KDM1A: variants seen among roughly 807,000 people sequenced by gnomAD.
KDM1A encodes the protein lysine demethylase 1A, also known as lysine-specific histone demethylase 1A.
In KDM1A, 49 loss-of-function variants were observed where a neutral mutation model predicts 109.4. The observed-to-expected ratio is 0.45, with a 90% confidence interval of 0.36 to 0.57. The LOEUF (loss-of-function observed/expected upper bound fraction) is 0.57. Among genes scored for constraint, KDM1A ranks in the 20% least tolerant of loss-of-function variants. KDM1A has a pLI of 0.00. For synonymous variants in KDM1A, 380 were observed against 415.4 expected (o/e 0.91, Z 1.04); for missense variants, 668 against 1,116.6 (o/e 0.60, Z 5.73).
chr1:23,061,976 A>G (rs1643014307), intron 9 of KDM1A, among the ~76,000 whole-genome samples: 1 of 152,158 alleles, frequency 6.6e-6, no homozygotes, highest in South Asian at 2.1e-4. Context: ...GCTTTTGAAC[A>G]AGCTTAAAGG....
rs1484283627 is a variant in KDM1A at position 23,044,542 on chromosome 1, T to C, written c.577+56T>C. 52 of 1,467,320 alleles carry C rather than the reference T, an allele frequency of 3.5e-5. 1 individual carries two copies. In the Admixed American group the frequency reaches 5.8e-4, roughly 16 times the overall value. 90.9% of individuals were successfully genotyped at this position (1,467,320 alleles called of 1,614,324 possible). On this transcript the variant is annotated intron_variant, in intron 3 of 20. Transcript: ENST00000400181. The stretch of plus-strand genomic sequence containing the variant: ...GTAGCAAGAGCCGCCAAGTAGGAAT[T>C]GATGCTTGCAAGTGTTTTTGGCTGT...
intron 10 of KDM1A, among the ~76,000 whole-genome samples, chr1:23,067,071 G>A (rs1426755136): frequency 6.6e-6 from 1 of 152,132 alleles, no homozygotes; most frequent in Admixed American, 6.5e-5. Context: ...CCAGTCTTAG[G>A]TACCTTCCTG....
chr1:23,069,139 A>T lies in KDM1A; in HGVS notation c.1401A>T (p.Glu467Asp), dbSNP rs370506423. ...TGAAAACTCAGGAAGAATTGAAAGAACTTCTTAATAAGGTGAAATTCTGTA... is the reference window on the plus strand; with the variant it reads ...TGAAAACTCAGGAAGAATTGAAAGATCTTCTTAATAAGGTGAAATTCTGTA... ...KIVKTQEELK[E>D]LLNKMVNLKE... The change falls in exon 12 of 21, where the codon GAA becomes GAT. Residue 467 changes from glutamate (E) to aspartate (D), a missense_variant. This residue lies in a region of KDM1A where 62 missense variants were observed against 82.8 expected (regional missense o/e 0.75). Transcript: ENST00000400181. 1.5e-5 allele frequency: 24 copies of T among 1,592,108 alleles called. No homozygotes were observed. Among genetic ancestry groups the T allele is most frequent in the Admixed American group, 6.7e-5 (4 of 59,264 alleles).
chr1:23,041,783 C>T (rs1013941741), intron 2 of KDM1A, among the ~76,000 whole-genome samples: 19 of 148,022 alleles, frequency 1.3e-4, no homozygotes, highest in African/African-American at 4.1e-4. Flanking sequence ...TTATGGGATC[C>T]CTTTTAAAAA....
chr1:23,035,242 G>C (rs1642108156), intron 2 of KDM1A, among the ~76,000 whole-genome samples: 1 of 152,106 alleles, frequency 6.6e-6, no homozygotes, highest in African/African-American at 2.4e-5. Context: ...TGCTCTTGGT[G>C]CCTAGTCTGG....
intron 13 of KDM1A, 44 bp downstream of exon 13, chr1:23,071,403 A>G: frequency 6.4e-7 from 1 of 1,553,842 alleles, no homozygotes; most frequent in Non-Finnish European, 8.7e-7. Context: ...TTGGAATCCT[A>G]AGAAATAGCA....
Position 23,083,647 on chromosome 1 carries a change from G to GT in KDM1A, c.*293dup, listed in dbSNP as rs1178609386. On this transcript the variant is annotated 3_prime_UTR_variant, in exon 21 of 21. Transcript: ENST00000400181. ...TAGTCCCTTGGTGTGTGGGGTTTTT[G>GT]TTTTTTTTTTATATTTTGAGAATAA... is the stretch of plus-strand genomic sequence containing the variant. 193 of 200,534 alleles carry GT rather than the reference G, an allele frequency of 9.6e-4. No individual in the cohort carries two copies. The highest frequency in any genetic ancestry group is 1.9e-3 in the Admixed American group (32 of 17,028). 12.4% of individuals were successfully genotyped at this position (200,534 alleles called of 1,614,324 possible).
rs752537091 is a variant in KDM1A, at chr1:23,073,274, T to C, written c.1623-18T>C. The C allele has an allele frequency of 7.9e-7, 1 of 1,261,660 alleles. No individual in the cohort carries two copies. The highest frequency in any genetic ancestry group is 1.2e-6 in the Non-Finnish European group (1 of 861,572). The allele number at this position is 1,261,660 out of a possible 1,614,324, so 78.2% of individuals were successfully genotyped here. ...GTGATATCTTTTAATAATCCTGTAG[T>C]CCTTTGTTCTTTTGCAGTGATGTAT... is the stretch of plus-strand genomic sequence containing the variant. On this transcript the variant is annotated intron_variant, in intron 14 of 20. Coordinates refer to ENST00000400181, the MANE Select transcript of KDM1A (RefSeq NM_001009999.3).
Position 23,072,128 on chromosome 1 carries a change from A to G in KDM1A, c.1553A>G (p.Tyr518Cys). 6.2e-7 allele frequency: 1 copy of G among 1,604,638 alleles called. No homozygotes were observed. Among genetic ancestry groups the G allele is most frequent in the African/African-American group, 1.3e-5 (1 of 74,810 alleles). ...HRDLTALCKE[Y>C]DELAETQGKL... ...GGTTCACTTAATTTTTATCAGGAAT[A>G]TGATGAATTAGCTGAAACACAAGGA... Residue 518 changes from tyrosine (Y) to cysteine (C), a missense_variant, in exon 14 of 21, where the codon TAT (tyrosine) becomes TGT (cysteine). Tyr to Cys is a radical substitution (Grantham distance 194). This residue lies in a region of KDM1A where 162 missense variants were observed against 376.4 expected (regional missense o/e 0.43). Transcript: ENST00000400181.
chr1:23,078,629 G>A (rs1217921784), intron 16 of KDM1A, among the ~76,000 whole-genome samples: 3 of 152,146 alleles, frequency 2.0e-5, no homozygotes, highest in Admixed American at 6.5e-5. Context: ...AGAAGACATT[G>A]GTTCTATTGG....
intron 2 of KDM1A, chr1:23,044,202 C>A: frequency 2.1e-6 from 1 of 466,790 alleles, no homozygotes. Flanking sequence ...CTTTGTTCCA[C>A]TGCCTTTCAA....
At chr1:23,081,789 T>G in intron 19 of KDM1A, 1 of 533,434 alleles carries the variant, frequency 1.9e-6, no homozygotes, top group Non-Finnish European at 3.2e-6. Context: ...TAGCTGCATT[T>G]CTCCTCCGGC....
intron 4 of KDM1A, among the ~76,000 whole-genome samples, chr1:23,051,170 T>G (rs1158532821): frequency 6.6e-6 from 1 of 152,224 alleles, no homozygotes; most frequent in Non-Finnish European, 1.5e-5. Context: ...ATCTTTACCC[T>G]GTTCTGCTCA....
At chr1:23,070,677 G>A (rs1231485655) in intron 12 of KDM1A, among the ~76,000 whole-genome samples, 1 of 150,654 alleles carries the variant, frequency 6.6e-6, no homozygotes, top group Non-Finnish European at 1.5e-5. Context: ...GCATGGTGGC[G>A]GGTGCCTGTA....
chr1:23,065,808 T>TCC (rs1643145511), intron 9 of KDM1A, among the ~76,000 whole-genome samples: 1 of 152,030 alleles, frequency 6.6e-6, no homozygotes, highest in African/African-American at 2.4e-5. Context: ...TTCTGACACT[T>TCC]CCCCCTCACT....
At chr1:23,058,263 G>A (rs1984978) in intron 8 of KDM1A, among the ~76,000 whole-genome samples, 112,176 of 151,820 alleles carry the variant, frequency 0.74, 42,575 homozygotes, top group Non-Finnish European at 0.83. Flanking sequence ...GGCTCAAGCA[G>A]TGCTCCCAAA....
chr1:23,069,829 C>T (rs576050674), intron 12 of KDM1A, among the ~76,000 whole-genome samples: 6 of 152,362 alleles, frequency 3.9e-5, no homozygotes, highest in East Asian at 1.9e-4. Flanking sequence ...CAGGCTCCAG[C>T]GCATTAAAGT....
chr1:23,077,766 C>A (rs1029624611), intron 16 of KDM1A, among the ~76,000 whole-genome samples: 4 of 152,292 alleles, frequency 2.6e-5, no homozygotes, highest in African/African-American at 9.6e-5. Context: ...ATTTTGGCCC[C>A]TGGGCTCCAC....
Position 23,019,528 on chromosome 1 carries a change from A to G in KDM1A, c.-69A>G, listed in dbSNP as rs1277808038. 1 of 1,330,908 alleles carries G rather than the reference A, an allele frequency of 7.5e-7. No homozygotes were observed. The highest frequency in any genetic ancestry group is 9.6e-7 in the Non-Finnish European group (1 of 1,041,260). The allele number at this position is 1,330,908 out of a possible 1,614,324, so 82.4% of individuals were successfully genotyped here. On this transcript the variant is annotated 5_prime_UTR_variant, in exon 1 of 21. Transcript: ENST00000400181. ...GGGCAGCGTGAAGCGAGGCGAGGCA[A>G]GGCTTTTCGGACCCACGGAGCGACA...
Sources: gnomAD v4.1 joint callset for allele counts (sites outside exome capture counted in the v4.1 genomes callset) on GRCh38, gnomAD v4.1.1 for gene constraint, gnomAD v4.1.1 regional missense constraint, MANE v1.5 for transcripts, NCBI Gene and HGNC (gene_info 2026-07-23, HGNC 2026-07-21) for gene names.